PLCD1: variants seen among roughly 807,000 people sequenced by gnomAD.
PLCD1 encodes 1-phosphatidylinositol 4,5-bisphosphate phosphodiesterase delta-1.
In PLCD1, 71 loss-of-function variants were observed where a neutral mutation model predicts 87.4. The ratio of observed to expected loss-of-function variants is 0.81; its 90% CI spans 0.67 to 0.99. The LOEUF (loss-of-function observed/expected upper bound fraction) is 0.99, where lower values mean the gene tolerates loss of function less well. PLCD1 is among the 50% of genes least tolerant of loss of function. The pLI, the probability that PLCD1 is intolerant of heterozygous loss-of-function variation, is 0.00. For missense variants in PLCD1, 867 were observed against 1,001.5 expected, an observed-to-expected ratio of 0.87 and a Z score of 1.81; for synonymous variants, 348 against 399.2, an observed-to-expected ratio of 0.87 and a Z score of 1.53.
rs572573574 is a variant in PLCD1, at chr3:38,017,846, A to C, written c.200-1127T>G. On this transcript the variant is annotated intron_variant, in intron 2 of 14. Transcript: ENST00000334661. The surrounding 1 kb of genome is among the most constrained non-coding windows in gnomAD (Gnocchi z 4.7). ...CTGCAGGCTTTGAGGAGTGGGACAC[A>C]TGAGCCCAGGGCCATGTGGGGGACA... Among the ~76,000 whole-genome samples, 2 of 152,298 alleles carry C rather than the reference A, an allele frequency of 1.3e-5. No homozygotes were observed. Among genetic ancestry groups the C allele is most frequent in the South Asian group, 4.1e-4 (2 of 4,834 alleles).
rs776894329 is a variant in PLCD1, at chr3:38,009,772, C to T, written c.1327G>A (p.Gly443Arg). ...TCCCCTCCAGGGGGCAGGAGCCCCC[C>T]GAGCTTCTTCCCCTTCAGCAGGATC... ...GKILLKGKKL[G>R]GLLPPGGEGG... is the part of the protein sequence containing the mutation. Residue 443 changes from glycine (G) to arginine (R), a missense_variant, in exon 9 of 15, where the codon GGG (glycine) becomes AGG (arginine). By Grantham distance (125) the Gly-to-Arg change is moderately radical (BLOSUM62 -2). Transcript: ENST00000334661. 5 of 1,614,042 alleles carry T rather than the reference C, an allele frequency of 3.1e-6. No homozygotes were observed. Among genetic ancestry groups the T allele is most frequent in the South Asian group, 1.1e-5 (1 of 91,084 alleles).
chr3:38,016,852 T>G (rs931654497), intron 2 of PLCD1, 133 bp from the exon 3 acceptor site: 1 of 728,012 alleles, frequency 1.4e-6, no homozygotes, highest in Non-Finnish European at 2.4e-6. Flanking sequence ...GCTCAGGCCT[T>G]GAGTCCAGAA....
chr3:38,010,027 G>T lies in PLCD1; in HGVS notation c.1164C>A (p.Ser388=). ...GCTCCAGTGTGCAGTGGTTCTCCAGGGATAGGATGACAGGGTAGGGGGACG... is the reference window on the plus strand; with the variant it reads ...GCTCCAGTGTGCAGTGGTTCTCCAGTGATAGGATGACAGGGTAGGGGGACG... The part of the protein sequence containing the change: ...FKASPYPVIL[S]LENHCTLEQQ... Residue 388 remains serine, a synonymous_variant, in exon 8 of 15, where the codon TCC becomes TCA. Coordinates refer to ENST00000334661, the MANE Select transcript of PLCD1 (RefSeq NM_006225.4). The T allele has an allele frequency of 6.2e-7, 1 of 1,614,204 alleles. No homozygotes were observed. The highest frequency in any genetic ancestry group is 8.5e-7 in the Non-Finnish European group (1 of 1,180,026).
At chr3:38,012,454 T>G (rs1700094428) in intron 3 of PLCD1, among the ~76,000 whole-genome samples, 1 of 152,106 alleles carries the variant, frequency 6.6e-6, no homozygotes, top group African/African-American at 2.4e-5. Flanking sequence ...GTCATAATTA[T>G]TCTTTTCCAC....
chr3:38,022,580 C>T (rs952153851), intron 1 of PLCD1, among the ~76,000 whole-genome samples: 1 of 152,222 alleles, frequency 6.6e-6, no homozygotes, highest in African/African-American at 2.4e-5. Context: ...AGATGACATG[C>T]TCATCCTGTC....
At chr3:38,009,566 C>T in intron 9 of PLCD1, 87 bp downstream of exon 9, 1 of 1,574,592 alleles carries the variant, frequency 6.4e-7, no homozygotes, top group Non-Finnish European at 8.7e-7. Context: ...GAGTGGCAGC[C>T]ACAGAGAACT....
At position 38,026,000 on chromosome 3, in the gene PLCD1, A is replaced by G. The variant is rs755761275; in HGVS notation, c.34+3506T>C. ...AAGGTCATATCAGAGAGAATAAATC[A>G]TGAGCAAGGTGAGTAGATGGACAAG... is the stretch of plus-strand genomic sequence containing the variant. On this transcript the variant is annotated intron_variant, in intron 1 of 14. Transcript: ENST00000334661. This position sits in a 1 kb window ranked among gnomAD's most constrained non-coding sequence, Gnocchi z 4.0. Among the ~76,000 whole-genome samples the G allele has an allele frequency of 6.6e-6, 1 of 152,244 alleles. No homozygotes were observed. Among genetic ancestry groups the G allele is most frequent in the African/African-American group, 2.4e-5 (1 of 41,450 alleles).
chr3:38,020,458 A>C (rs1575355422), intron 1 of PLCD1, 106 bp from the exon 2 acceptor site: 4 of 1,049,992 alleles, frequency 3.8e-6, no homozygotes, highest in East Asian at 2.4e-5. Flanking sequence ...CCCACTTTTC[A>C]CCAGCCTCAT....
Position 38,009,175 on chromosome 3 carries a change from T to C in PLCD1, c.1607-17A>G, listed in dbSNP as rs774988669. On this transcript the variant is annotated splice_polypyrimidine_tract_variant and intron_variant, in intron 10 of 14. Coordinates refer to ENST00000334661, the MANE Select transcript of PLCD1 (RefSeq NM_006225.4). ...AGCCGTTTCCTGAGGGGAGGTGTGG[T>C]TCGGTCAGCAGTGGAGGCCTCCTGG... 5 of 1,613,552 alleles carry C rather than the reference T, an allele frequency of 3.1e-6. No individual in the cohort carries two copies. Among genetic ancestry groups the C allele is most frequent in the Non-Finnish European group, 4.2e-6 (5 of 1,179,558 alleles).
rs1427956183 is a variant in PLCD1 at position 38,017,229 on chromosome 3, C to T, written c.200-510G>A. Reference sequence around the variant, plus strand: ...CGATAAAGCCACAAGAGCCACCAGGCCCCTCTCCTGAACATTCAAGAGACT... The same window carrying T: ...CGATAAAGCCACAAGAGCCACCAGGTCCCTCTCCTGAACATTCAAGAGACT... On this transcript the variant is annotated intron_variant, in intron 2 of 14. Coordinates refer to ENST00000334661, the MANE Select transcript of PLCD1 (RefSeq NM_006225.4). This position sits in a 1 kb window ranked among gnomAD's most constrained non-coding sequence, Gnocchi z 4.7. Among the ~76,000 whole-genome samples, 1 of 152,126 alleles carries T rather than the reference C, an allele frequency of 6.6e-6. No homozygotes were observed. Among genetic ancestry groups the T allele is most frequent in the African/African-American group, 2.4e-5 (1 of 41,416 alleles).
In PLCD1 at chr3:38,009,891, C is replaced by T; in HGVS notation, c.1287+13G>A. ...CCACCCTCCCCCAGGGATCCCCCATCCCCACCACACACCTCAGGGGAGGGC... is the reference window on the plus strand; with the variant it reads ...CCACCCTCCCCCAGGGATCCCCCATTCCCACCACACACCTCAGGGGAGGGC... On this transcript the variant is annotated intron_variant, in intron 8 of 14. Coordinates refer to ENST00000334661, the MANE Select transcript of PLCD1 (RefSeq NM_006225.4). 1 of 1,578,388 alleles carries T rather than the reference C, an allele frequency of 6.3e-7. No individual in the cohort carries two copies. Among genetic ancestry groups the T allele is most frequent in the Non-Finnish European group, 8.6e-7 (1 of 1,156,168 alleles).
Position 38,009,758 on chromosome 3 carries a change from G to T in PLCD1, c.1341C>A (p.Pro447=). ...LKGKKLGGLL[P]PGGEGGPEAT... is the part of the protein sequence containing the mutation. Reference sequence around the variant, plus strand: ...CCTCAGGGCCACCCTCCCCTCCAGGGGGCAGGAGCCCCCCGAGCTTCTTCC... The same window carrying T: ...CCTCAGGGCCACCCTCCCCTCCAGGTGGCAGGAGCCCCCCGAGCTTCTTCC... Residue 447 remains proline (P), a synonymous_variant, in exon 9 of 15, where the codon CCC becomes CCA. Coordinates refer to ENST00000334661, the MANE Select transcript of PLCD1 (RefSeq NM_006225.4). 8 of 1,614,078 alleles carry T rather than the reference G, an allele frequency of 5.0e-6. No individual in the cohort carries two copies. Among genetic ancestry groups the T allele is most frequent in the Non-Finnish European group, 6.8e-6 (8 of 1,179,988 alleles).
intron 3 of PLCD1, among the ~76,000 whole-genome samples, chr3:38,012,480 T>C (rs1041238189): frequency 2.0e-5 from 3 of 151,890 alleles, no homozygotes; most frequent in Admixed American, 1.3e-4. Context: ...TACCCATATA[T>C]ATACAATTTG....
At position 38,008,177 on chromosome 3, in the gene PLCD1, C is replaced by T; in HGVS notation, c.2036-14G>A. 1 of 1,613,658 alleles carries T rather than the reference C, an allele frequency of 6.2e-7. No homozygotes were observed. The highest frequency in any genetic ancestry group is 8.5e-7 in the Non-Finnish European group (1 of 1,180,036). On this transcript the variant is annotated splice_polypyrimidine_tract_variant and intron_variant, in intron 13 of 14. Transcript: ENST00000334661. ...ATGGGTTGAAACCTAGGGGGACAGG[C>T]ACCATATCAGCAGCATGGACACCAG... is the stretch of plus-strand genomic sequence containing the variant.
chr3:38,029,413 G>A, intron 1 of PLCD1, 93 bp downstream of exon 1: 1 of 1,177,364 alleles, frequency 8.5e-7, no homozygotes, highest in Non-Finnish European at 1.2e-6. Context: ...GGAGGCGGCC[G>A]AAGGAGCTGG....
intron 11 of PLCD1, 50 bp downstream of exon 11, chr3:38,008,992 T>C (rs1291165839): frequency 3.4e-6 from 5 of 1,481,138 alleles, no homozygotes; most frequent in East Asian, 2.3e-5. Flanking sequence ...CCCCCGGCCT[T>C]GGGACTGAAA....
At chr3:38,007,918 G>GT (rs1559369887) in intron 14 of PLCD1, 60 bp from the exon 15 acceptor site, 1 of 1,604,572 alleles carries the variant, frequency 6.2e-7, no homozygotes, top group Non-Finnish European at 8.5e-7. Context: ...GGCGGCGGAG[G>GT]GGGGGTGGAT....
At position 38,011,615 on chromosome 3, in the gene PLCD1, T is replaced by C. The variant is rs1700079414; in HGVS notation, c.487A>G (p.Lys163Glu). ...DKNKDNKMSF[K>E]ELQNFLKELN... is the part of the protein sequence containing the mutation. ...TCCTTCAGGAAGTTCTGCAGCTCCTTGAAGCTCATCTTGTTGTCCTTGTTT... is the reference window on the plus strand; with the variant it reads ...TCCTTCAGGAAGTTCTGCAGCTCCTCGAAGCTCATCTTGTTGTCCTTGTTT... The change falls in exon 4 of 15, where the codon AAG becomes GAG. Residue 163 changes from lysine (K) to glutamate (E), a missense_variant. Lys to Glu is a moderately conservative substitution (Grantham distance 56). Coordinates refer to ENST00000334661, the MANE Select transcript of PLCD1 (RefSeq NM_006225.4). 4 of 1,614,136 alleles carry C rather than the reference T, an allele frequency of 2.5e-6. No homozygotes were observed. Among genetic ancestry groups the C allele is most frequent in the Non-Finnish European group, 3.4e-6 (4 of 1,179,960 alleles).
Position 38,017,103 on chromosome 3 carries a change from G to T in PLCD1, c.200-384C>A, listed in dbSNP as rs1183271281. ...AGGGAGAGGACTGGAGCAGGGCAAG[G>T]CTCTTAGAGATGCGGACAGACCACT... On this transcript the variant is annotated intron_variant, in intron 2 of 14. Transcript: ENST00000334661. This position sits in a 1 kb window ranked among gnomAD's most constrained non-coding sequence, Gnocchi z 4.7. 6.6e-6 allele frequency among the ~76,000 whole-genome samples: 1 copy of T among 152,088 alleles called. No individual in the cohort carries two copies. The highest frequency in any genetic ancestry group is 1.5e-5 in the Non-Finnish European group (1 of 67,998).
Sources: allele counts gnomAD v4.1 joint callset (sites outside exome capture counted in the v4.1 genomes callset), GRCh38; gene constraint gnomAD v4.1.1; non-coding constraint Gnocchi (gnomAD v3.1); transcripts MANE v1.5; gene names NCBI Gene and HGNC (gene_info 2026-07-23, HGNC 2026-07-21).